The following TRIM45 variants were observed in gnomAD, a reference collection of about 807,000 sequenced individuals.
TRIM45 encodes the protein E3 ubiquitin-protein ligase TRIM45.
Under a neutral mutation model 46.7 loss-of-function variants are expected in TRIM45, and 45 were observed. The observed-to-expected ratio is 0.96, with a 90% CI of 0.76 to 1.24. The LOEUF is 1.24. Ranked by LOEUF, TRIM45 falls within the 50% of genes most tolerant of loss-of-function variation. TRIM45 has a pLI of 0.00. For missense variants in TRIM45, 680 were observed against 728.4 expected (o/e 0.93, Z 0.77); for synonymous variants, 259 against 285.8 (o/e 0.91, Z 0.94).
rs1016974902 is a variant in TRIM45, at chr1:117,113,153, G to GA, written c.1594+205dup. 1.3e-5 allele frequency among the ~76,000 whole-genome samples: 2 copies of GA among 152,230 alleles called. No individual in the cohort carries two copies. The highest frequency in any genetic ancestry group is 2.9e-5 in the Non-Finnish European group (2 of 68,042). ...GAGCTGTACCAAAACTAACAGAACT[G>GA]AGAGCTTTTAAGTCTGCTATTTCAA... On this transcript the variant is annotated intron_variant, in intron 5 of 5. Transcript: ENST00000256649. This position sits in a 1 kb window ranked among gnomAD's most constrained non-coding sequence, Gnocchi z 4.0.
upstream of TRIM45, among the ~76,000 whole-genome samples, chr1:117,123,222 CCTT>C (rs770465299): frequency 4.6e-5 from 7 of 152,170 alleles, no homozygotes; most frequent in African/African-American, 7.2e-5. Context: ...AGCCTCTTGT[CCTT>C]CTTGCATCTA....
At chr1:117,123,463 T>A (rs576698279), upstream of TRIM45, among the ~76,000 whole-genome samples, 2 of 152,320 alleles carry the variant, frequency 1.3e-5, no homozygotes, top group East Asian at 3.9e-4. Context: ...CAATATCTCA[T>A]TTAGCAGTAT....
intron 1 of TRIM45, among the ~76,000 whole-genome samples, chr1:117,119,286 C>T (rs1045532900): frequency 1.3e-5 from 2 of 152,174 alleles, no homozygotes; most frequent in African/African-American, 4.8e-5. Flanking sequence ...GAATTTTTTT[C>T]AAGAGACATC....
chr1:117,116,722 G>C lies in TRIM45; in HGVS notation c.1246C>G (p.Gln416Glu), dbSNP rs1005505373. ...CAAAGCAGGGTGAAAGAGGCCGTCT[G>C]TTTCTCCCGGGCTCTGTGGAGGTCT... Reference protein sequence around the residue: ...GEDLHRAREKQTASFTLLCKD... With the variant: ...GEDLHRAREKETASFTLLCKD... Residue 416 changes from glutamine (Q) to glutamate (E), a missense_variant, in exon 3 of 6, where the codon CAG becomes GAG. By Grantham distance (29) the Gln-to-Glu change is conservative. Transcript: ENST00000256649. The surrounding 1 kb of genome is among the most constrained non-coding windows in gnomAD (Gnocchi z 4.6). 1 of 1,613,990 alleles carries C rather than the reference G, an allele frequency of 6.2e-7. No homozygotes were observed. Among genetic ancestry groups the C allele is most frequent in the African/African-American group, 1.3e-5 (1 of 74,910 alleles).
In TRIM45 at chr1:117,118,350, T is replaced by C; in HGVS notation, c.906A>G (p.Ile302Met). ...GCAGGGAATTTTCCTTCTGGGCCCG[T>C]ATGTCTTCCAGCTGCTTCAGCAGCT... ...RDKLLKQLED[I>M]RAQKENSLQL... Residue 302 changes from isoleucine to methionine, a missense_variant, in exon 2 of 6, where the codon ATA becomes ATG. By Grantham distance (10) the Ile-to-Met change is conservative. Transcript: ENST00000256649. This position sits in a 1 kb window ranked among gnomAD's most constrained non-coding sequence, Gnocchi z 5.7. 3.1e-6 allele frequency: 5 copies of C among 1,614,158 alleles called. No individual in the cohort carries two copies. Among genetic ancestry groups the C allele is most frequent in the Non-Finnish European group, 4.2e-6 (5 of 1,180,016 alleles).
In TRIM45 at chr1:117,117,502, G is replaced by A. The variant is rs1003147287; in HGVS notation, c.1222+532C>T. On this transcript the variant is annotated intron_variant, in intron 2 of 5. Transcript: ENST00000256649. This position sits in a 1 kb window ranked among gnomAD's most constrained non-coding sequence, Gnocchi z 4.9. The stretch of plus-strand genomic sequence containing the variant: ...TGCTTCCATTAGAAAGGGAACACTC[G>A]TTAAAAAAAACCATTTTTTCCCCCA... Among the ~76,000 whole-genome samples, 19 of 152,038 alleles carry A rather than the reference G, an allele frequency of 1.2e-4. No individual in the cohort carries two copies. The highest frequency in any genetic ancestry group is 3.4e-4 in the African/African-American group (14 of 41,392).
intron 1 of TRIM45, among the ~76,000 whole-genome samples, chr1:117,119,333 C>T (rs780874622): frequency 2.0e-5 from 3 of 152,168 alleles, no homozygotes; most frequent in Non-Finnish European, 2.9e-5. Flanking sequence ...CGGCCGGGCG[C>T]GGTGGCTCAC....
At chr1:117,121,754 C>A, upstream of TRIM45, 1 of 694,240 alleles carries the variant, frequency 1.4e-6, no homozygotes, top group South Asian at 1.5e-5. This position sits in a 1 kb window ranked among gnomAD's most constrained non-coding sequence, Gnocchi z 4.2. Context: ...TCTGGCCCCT[C>A]CTCACACCAA....
chr1:117,115,606 A>G lies in TRIM45; in HGVS notation c.1436T>C (p.Val479Ala). The G allele has an allele frequency of 6.2e-7, 1 of 1,614,106 alleles. No homozygotes were observed. The highest frequency in any genetic ancestry group is 1.6e-4 in the Middle Eastern group (1 of 6,062). Residue 479 changes from valine to alanine, a missense_variant, in exon 4 of 6, where the codon GTG (valine) becomes GCG (alanine). Physicochemically the swap from Val to Ala is moderately conservative, Grantham distance 64. Around this residue, in one of 3 missense-constraint regions of TRIM45, gnomAD observed 322 missense variants for 359.3 expected, o/e 0.90. Transcript: ENST00000256649. This position sits in a 1 kb window ranked among gnomAD's most constrained non-coding sequence, Gnocchi z 4.2. ...YTPKEPGVYT[V>A]WVCIKEQHVQ... ...ATGCTGTTCTTTGATGCAGACCCAC[A>G]CAGTATAGACGCCAGGTTCCTTGGG...
In TRIM45 at chr1:117,116,209, CG is replaced by C. The variant is rs1650391898; in HGVS notation, c.1352+406del. Among the ~76,000 whole-genome samples, 1 of 151,742 alleles carries C rather than the reference CG, an allele frequency of 6.6e-6. No individual in the cohort carries two copies. The highest frequency in any genetic ancestry group is 1.5e-5 in the Non-Finnish European group (1 of 67,990). ...TTCATAGTATTATGGGGAGGTAAGA[CG>C]TAACTAGTGAGTTACACTCCAATAT... On this transcript the variant is annotated intron_variant, in intron 3 of 5. Coordinates refer to ENST00000256649, the MANE Select transcript of TRIM45 (RefSeq NM_025188.4). The surrounding 1 kb of genome is among the most constrained non-coding windows in gnomAD (Gnocchi z 4.6).
chr1:117,121,444 T>C lies in TRIM45; in HGVS notation c.-243A>G. 1.9e-6 allele frequency: 1 copy of C among 524,418 alleles called. No individual in the cohort carries two copies. The highest frequency in any genetic ancestry group is 3.3e-6 in the Non-Finnish European group (1 of 300,342). The allele number at this position is 524,418 out of a possible 1,614,324, so 32.5% of individuals were successfully genotyped here. A position where few individuals can be genotyped will look rare whatever the true frequency, so the allele number is the denominator to read the frequency against. ...TCCCACACCAGACACGCCCACGCCC[T>C]CCTCTGCCCCGCAAGTCCTCCCCGG... On this transcript the variant is annotated 5_prime_UTR_variant, in exon 1 of 6. Coordinates refer to ENST00000256649, the MANE Select transcript of TRIM45 (RefSeq NM_025188.4). This position sits in a 1 kb window ranked among gnomAD's most constrained non-coding sequence, Gnocchi z 4.2.
chr1:117,113,385 C>A lies in TRIM45; in HGVS notation c.1568G>T (p.Arg523Leu), dbSNP rs199984487. ...FCSSGGQKTA[R>L]CACGGTMPGG... is the part of the protein sequence containing the mutation. Reference sequence around the variant, plus strand: ...TGGCATGGTGCCTCCACAGGCGCAGCGAGCGGTTTTCTGGCCCCCGCTGGA... The same window carrying A: ...TGGCATGGTGCCTCCACAGGCGCAGAGAGCGGTTTTCTGGCCCCCGCTGGA... The change falls in exon 5 of 6, where the codon CGC becomes CTC. Residue 523 changes from arginine to leucine, a missense_variant. Around this residue, in one of 3 missense-constraint regions of TRIM45, gnomAD observed 322 missense variants for 359.3 expected, o/e 0.90. Transcript: ENST00000256649. This position sits in a 1 kb window ranked among gnomAD's most constrained non-coding sequence, Gnocchi z 4.0. The A allele has an allele frequency of 8.4e-5, 136 of 1,612,082 alleles. No homozygotes were observed. The highest frequency in any genetic ancestry group is 1.1e-4 in the Non-Finnish European group (135 of 1,179,910).
At chr1:117,112,555 A>G in intron 5 of TRIM45, 102 bp from the exon 6 acceptor site, 3 of 1,161,186 alleles carry the variant, frequency 2.6e-6, no homozygotes, top group East Asian at 2.5e-5. Context: ...ATGCAGATTC[A>G]TGGGAGTGAA....
chr1:117,122,213 G>A (rs566394389), upstream of TRIM45: 5 of 177,262 alleles, frequency 2.8e-5, no homozygotes, highest in Non-Finnish European at 4.7e-5. Flanking sequence ...CGTTTTTCGG[G>A]CTCCCGAGGT....
At position 117,121,230 on chromosome 1, in the gene TRIM45, A is replaced by T. The variant is rs774321234; in HGVS notation, c.-29T>A. 1 of 1,516,542 alleles carries T rather than the reference A, an allele frequency of 6.6e-7. No individual in the cohort carries two copies. Among genetic ancestry groups the T allele is most frequent in the East Asian group, 2.3e-5 (1 of 44,284 alleles). 93.9% of individuals were successfully genotyped at this position (1,516,542 alleles called of 1,614,324 possible). On this transcript the variant is annotated 5_prime_UTR_variant, in exon 1 of 6. Coordinates refer to ENST00000256649, the MANE Select transcript of TRIM45 (RefSeq NM_025188.4). The surrounding 1 kb of genome is among the most constrained non-coding windows in gnomAD (Gnocchi z 4.2). ...CCTCACGTTTGTGACCAATATTAGA[A>T]AGGGCCCTGGGCAGTTCTACGATTT...
At chr1:117,119,932 A>T (rs1359283639) in intron 1 of TRIM45, among the ~76,000 whole-genome samples, 6 of 152,234 alleles carry the variant, frequency 3.9e-5, no homozygotes, top group African/African-American at 1.4e-4. Flanking sequence ...CAGAAAACAA[A>T]TGGAAGTAGA....
In TRIM45 at chr1:117,113,819, T is replaced by A. The variant is rs891251927; in HGVS notation, c.1468-334A>T. Among the ~76,000 whole-genome samples, 2 of 152,210 alleles carry A rather than the reference T, an allele frequency of 1.3e-5. No homozygotes were observed. Among genetic ancestry groups the A allele is most frequent in the African/African-American group, 2.4e-5 (1 of 41,462 alleles). ...ACAGTCAGCTCCATTTTCAGTGACA[T>A]CTGTATTAGCTGGGAATAATTGTTC... On this transcript the variant is annotated intron_variant, in intron 4 of 5. Coordinates refer to ENST00000256649, the MANE Select transcript of TRIM45 (RefSeq NM_025188.4). This position sits in a 1 kb window ranked among gnomAD's most constrained non-coding sequence, Gnocchi z 4.0.
rs771433577 is a variant in TRIM45 at position 117,118,138 on chromosome 1, C to A, written c.1118G>T (p.Arg373Leu). The change falls in exon 2 of 6, where the codon CGC (arginine) becomes CTC (leucine). Residue 373 changes from arginine to leucine, a missense_variant. Physicochemically the swap from Arg to Leu is moderately radical, Grantham distance 102 (BLOSUM62 -2). Coordinates refer to ENST00000256649, the MANE Select transcript of TRIM45 (RefSeq NM_025188.4). The surrounding 1 kb of genome is among the most constrained non-coding windows in gnomAD (Gnocchi z 5.7). ...GCCTGCTTTCTCCTGAGGACAGAAGCGTATCTTATCATTTACTCCAGGACG... is the reference window on the plus strand; with the variant it reads ...GCCTGCTTTCTCCTGAGGACAGAAGAGTATCTTATCATTTACTCCAGGACG... The part of the protein sequence containing the change: ...STRPGVNDKI[R>L]FCPQEKAGQC... The A allele has an allele frequency of 2.5e-6, 4 of 1,614,194 alleles. No homozygotes were observed. The Admixed American group carries it at 5.0e-5, about 20-fold the overall frequency.
At chr1:117,122,049 G>A (rs1463778246), upstream of TRIM45, 3 of 495,344 alleles carry the variant, frequency 6.1e-6, no homozygotes, top group East Asian at 1.1e-4. Context: ...TCTCTCTGTG[G>A]TGACCAGAGA....
Sources: allele counts gnomAD v4.1 joint callset (sites outside exome capture counted in the v4.1 genomes callset), GRCh38; gene constraint gnomAD v4.1.1; regional missense constraint gnomAD v4.1.1; non-coding constraint Gnocchi (gnomAD v3.1); transcripts MANE v1.5; gene names NCBI Gene and HGNC (gene_info 2026-07-23, HGNC 2026-07-21).